The following PCDH9 variants were observed in gnomAD, a reference collection of about 807,000 sequenced individuals.
PCDH9 encodes the protein protocadherin-9.
PCDH9 carries 24 observed loss-of-function variants against 70.6 expected under a neutral mutation model. That is an observed-to-expected ratio of 0.34 (90% CI 0.25 to 0.48). PCDH9 has a LOEUF of 0.48. Among genes scored for constraint, PCDH9 ranks in the 20% least tolerant of loss-of-function variants. PCDH9 has a pLI of 0.99. For synonymous variants in PCDH9, 562 were observed against 558.5 expected, an observed-to-expected ratio of 1.01 and a Z score of -0.09; for missense variants, 1,281 against 1,503.6, an observed-to-expected ratio of 0.85 and a Z score of 2.45.
intron 3 of PCDH9, among the ~76,000 whole-genome samples, chr13:66,773,980 G>A (rs1438516503): frequency 6.6e-6 from 1 of 151,890 alleles, no homozygotes; most frequent in Non-Finnish European, 1.5e-5. Flanking sequence ...GTTTCACCAT[G>A]TTGGCCAGGC....
intron 4 of PCDH9, among the ~76,000 whole-genome samples, chr13:66,532,271 C>T (rs1960496080): frequency 1.3e-5 from 2 of 151,736 alleles, no homozygotes; most frequent in African/African-American, 2.4e-5. Context: ...CCCAAAGTGT[C>T]CGGATGATGG....
intron 3 of PCDH9, among the ~76,000 whole-genome samples, chr13:66,889,145 C>T (rs2082055580): frequency 6.6e-6 from 1 of 152,142 alleles, no homozygotes; most frequent in African/African-American, 2.4e-5. Flanking sequence ...CTGTAAAGTA[C>T]TATCGTATTG....
At chr13:66,524,393 G>A (rs1481023827) in intron 4 of PCDH9, among the ~76,000 whole-genome samples, 2 of 151,590 alleles carry the variant, frequency 1.3e-5, no homozygotes, top group African/African-American at 2.4e-5. Context: ...ATTCTGCCAT[G>A]GAAGACTAAA....
chr13:66,681,004 A>T (rs566960790), intron 3 of PCDH9, among the ~76,000 whole-genome samples: 15 of 152,186 alleles, frequency 9.9e-5, no homozygotes, highest in Non-Finnish European at 1.5e-4. Flanking sequence ...TTATATTCAG[A>T]TATAACTACC....
At chr13:66,547,941 T>A (rs1961287779) in intron 4 of PCDH9, among the ~76,000 whole-genome samples, 1 of 147,898 alleles carries the variant, frequency 6.8e-6, no homozygotes, top group South Asian at 2.1e-4. Context: ...ATAATATATA[T>A]ATTTAATTAT....
intron 4 of PCDH9, among the ~76,000 whole-genome samples, chr13:66,484,753 G>A (rs545034169): frequency 6.6e-6 from 1 of 152,176 alleles, no homozygotes; most frequent in African/African-American, 2.4e-5. Flanking sequence ...TATGTGACTG[G>A]ATTCAAACTC....
In PCDH9 at chr13:66,595,873, G is replaced by A. The variant is rs190961650; in HGVS notation, c.3340+35337C>T. Among the ~76,000 whole-genome samples, 530 of 151,576 alleles carry A rather than the reference G, an allele frequency of 3.5e-3. 7 individuals are homozygous for A. Among genetic ancestry groups the A allele is most frequent in the Middle Eastern group, 3.4e-3 (1 of 292 alleles). Reference sequence around the variant, plus strand: ...CTTAGCAGATAAACACCAGCGTAAAGTAAGCGAAAAGAGAAAGACTATGAC... The same window carrying A: ...CTTAGCAGATAAACACCAGCGTAAAATAAGCGAAAAGAGAAAGACTATGAC... On this transcript the variant is annotated intron_variant, in intron 4 of 4. Transcript: ENST00000377865.
intron 3 of PCDH9, among the ~76,000 whole-genome samples, chr13:66,855,179 G>T (rs2081375006): frequency 6.6e-6 from 1 of 152,036 alleles, no homozygotes; most frequent in Non-Finnish European, 1.5e-5. Flanking sequence ...ATGGGAAGAT[G>T]ACTTGTCTGT....
At chr13:67,067,527 T>C (rs866714215) in intron 2 of PCDH9, among the ~76,000 whole-genome samples, 3 of 152,056 alleles carry the variant, frequency 2.0e-5, no homozygotes, top group Non-Finnish European at 4.4e-5. Flanking sequence ...GGATAGCACA[T>C]ACTTCATTAG....
chr13:66,597,668 T>C (rs2077119911), intron 4 of PCDH9, among the ~76,000 whole-genome samples: 1 of 151,734 alleles, frequency 6.6e-6, no homozygotes, highest in Admixed American at 6.6e-5. Flanking sequence ...ACATCGTTCT[T>C]GGCAGTAGTT....
intron 2 of PCDH9, among the ~76,000 whole-genome samples, chr13:67,168,433 G>T (rs1226348042): frequency 2.0e-5 from 3 of 152,076 alleles, no homozygotes; most frequent in Non-Finnish European, 4.4e-5. Flanking sequence ...TTAAAAAGTG[G>T]TAAGAAAGGT....
chr13:66,872,937 G>C (rs2081723459), intron 3 of PCDH9, among the ~76,000 whole-genome samples: 1 of 152,038 alleles, frequency 6.6e-6, no homozygotes, highest in Non-Finnish European at 1.5e-5. Context: ...ATATAGAGAT[G>C]GCCCACACCA....
chr13:67,022,924 G>A (rs1468030592), intron 2 of PCDH9, among the ~76,000 whole-genome samples: 2 of 152,198 alleles, frequency 1.3e-5, no homozygotes, highest in Non-Finnish European at 2.9e-5. Flanking sequence ...CTGCTTCAGC[G>A]CCCTGGATAC....
intron 2 of PCDH9, among the ~76,000 whole-genome samples, chr13:67,042,185 T>G (rs1434391158): frequency 6.6e-6 from 1 of 152,150 alleles, no homozygotes; most frequent in East Asian, 1.9e-4. Flanking sequence ...ATTAGTCTTC[T>G]GAGATTTGGG....
intron 3 of PCDH9, among the ~76,000 whole-genome samples, chr13:66,747,404 C>A (rs2079386983): frequency 6.6e-6 from 1 of 151,456 alleles, no homozygotes; most frequent in Admixed American, 6.6e-5. Context: ...ACACAAAAAG[C>A]ATATATATGG....
chr13:67,193,535 A>G (rs1046501013), intron 2 of PCDH9, among the ~76,000 whole-genome samples: 1 of 152,168 alleles, frequency 6.6e-6, no homozygotes, highest in Non-Finnish European at 1.5e-5. Flanking sequence ...AATTAAAGAA[A>G]GAACATGAAT....
intron 3 of PCDH9, among the ~76,000 whole-genome samples, chr13:66,868,862 G>T (rs979701522): frequency 6.6e-6 from 1 of 152,088 alleles, no homozygotes; most frequent in Admixed American, 6.6e-5. Context: ...GCTAGGAATT[G>T]TAGTTTTAAA....
chr13:66,375,174 A>C (rs779974697), intron 4 of PCDH9, among the ~76,000 whole-genome samples: 2 of 152,124 alleles, frequency 1.3e-5, no homozygotes, highest in Non-Finnish European at 2.9e-5. Flanking sequence ...GATGAAGTTA[A>C]GACAATTTTT....
chr13:66,323,678 T>C (rs1955792992), intron 4 of PCDH9: 1 of 151,050 alleles, frequency 6.6e-6, no homozygotes, highest in African/African-American at 2.4e-5. Flanking sequence ...TTTGTTTTGC[T>C]TTGGAACTTT....
Sources: allele counts gnomAD v4.1 joint callset (sites outside exome capture counted in the v4.1 genomes callset), GRCh38; gene constraint gnomAD v4.1.1; transcripts MANE v1.5; gene names NCBI Gene and HGNC (gene_info 2026-07-23, HGNC 2026-07-21).